SESTD1: variants seen among roughly 807,000 people sequenced by gnomAD.
SESTD1 encodes SEC14 domain and spectrin repeat-containing protein 1.
Under a neutral mutation model 101.7 loss-of-function variants are expected in SESTD1, and 43 were observed. The observed-to-expected ratio is 0.42, with a 90% confidence interval of 0.33 to 0.55. SESTD1 has a LOEUF of 0.55. Ranked by LOEUF, SESTD1 falls within the 20% of genes least tolerant of loss-of-function variation. The pLI is 0.07. For missense variants in SESTD1, 647 were observed against 815.1 expected (o/e 0.79, Z 2.51); for synonymous variants, 283 against 286.8 (o/e 0.99, Z 0.13).
rs544249043 is a variant in SESTD1, at chr2:179,227,320, C to A, written c.-25-35454G>T. Among the ~76,000 whole-genome samples, 11 of 152,236 alleles carry A rather than the reference C, an allele frequency of 7.2e-5. No individual in the cohort carries two copies. The South Asian group carries it at 1.0e-3, about 14-fold the overall frequency. Reference sequence around the variant, plus strand: ...TTTCTCACTTTAGTTATCTATGAAACCTTTTCAGTTCCTAGTACATTCTCA... The same window carrying A: ...TTTCTCACTTTAGTTATCTATGAAAACTTTTCAGTTCCTAGTACATTCTCA... On this transcript the variant is annotated intron_variant, in intron 1 of 17. Transcript: ENST00000428443.
At chr2:179,210,760 C>G (rs2046640586) in intron 1 of SESTD1, among the ~76,000 whole-genome samples, 2 of 134,288 alleles carry the variant, frequency 1.5e-5, no homozygotes, top group South Asian at 5.7e-4. Context: ...AGCATTCCCC[C>G]TGAGAATTGG....
rs2044354581 is a variant in SESTD1, at chr2:179,105,180, T to TCATGC, written c.*4718_*4719insGCATG. On this transcript the variant is annotated 3_prime_UTR_variant, in exon 18 of 18. Transcript: ENST00000428443. ...TGGTCTTTTCATGCTTTGTTCTGTT[T>TCATGC]TTTTTTTTTTTTTAACCTCATTATT... is the stretch of plus-strand genomic sequence containing the variant. 1.5e-5 allele frequency: 2 copies of TCATGC among 136,650 alleles called. No individual in the cohort carries two copies. The highest frequency in any genetic ancestry group is 5.8e-5 in the African/African-American group (2 of 34,580). The allele number at this position is 136,650 out of a possible 1,614,324, so 8.5% of individuals were successfully genotyped here.
At chr2:179,183,500 G>A (rs900639598) in intron 2 of SESTD1, among the ~76,000 whole-genome samples, 1 of 152,086 alleles carries the variant, frequency 6.6e-6, no homozygotes, top group Admixed American at 6.6e-5. Flanking sequence ...GCCCAGCACA[G>A]TAAGTATTTG....
At chr2:179,125,915 C>T (rs779337000) in intron 10 of SESTD1, among the ~76,000 whole-genome samples, 5 of 152,132 alleles carry the variant, frequency 3.3e-5, no homozygotes, top group African/African-American at 4.8e-5. Context: ...AATAATCAGC[C>T]GCCTGTCTCT....
chr2:179,195,504 AC>A (rs1364800633), intron 1 of SESTD1, among the ~76,000 whole-genome samples: 2 of 152,228 alleles, frequency 1.3e-5, no homozygotes, highest in African/African-American at 2.4e-5. Context: ...CAGTGTGAAA[AC>A]AGACTAAATA....
At chr2:179,111,719 C>CTTTTTTTTT (rs572503441) in intron 17 of SESTD1, among the ~76,000 whole-genome samples, 1 of 135,360 alleles carries the variant, frequency 7.4e-6, no homozygotes. Context: ...CCTCCTGATT[C>CTTTTTTTTT]TTTTTTTTTT....
At chr2:179,130,516 T>A (rs557622692) in intron 10 of SESTD1, among the ~76,000 whole-genome samples, 1 of 152,106 alleles carries the variant, frequency 6.6e-6, no homozygotes, top group Non-Finnish European at 1.5e-5. Context: ...ATTTCATCCA[T>A]ACTATACGCA....
At position 179,143,650 on chromosome 2, in the gene SESTD1, A is replaced by G; in HGVS notation, c.791T>C (p.Val264Ala). 6.2e-7 allele frequency: 1 copy of G among 1,613,954 alleles called. No individual in the cohort carries two copies. The highest frequency in any genetic ancestry group is 8.5e-7 in the Non-Finnish European group (1 of 1,179,906). ...TGTGCGCTTGCTACGTTGCCTACAAACTTCCTGGTAGCGGGTATATTGCTC... is the reference window on the plus strand; with the variant it reads ...TGTGCGCTTGCTACGTTGCCTACAAGCTTCCTGGTAGCGGGTATATTGCTC... ...LREQYTRYQE[V>A]CRQRSKRTQL... The change falls in exon 9 of 18, where the codon GTT becomes GCT. Residue 264 changes from valine to alanine, a missense_variant. This residue lies in a region of SESTD1 where 476 missense variants were observed against 562.6 expected (regional missense o/e 0.85). Coordinates refer to ENST00000428443, the MANE Select transcript of SESTD1 (RefSeq NM_178123.5).
At chr2:179,188,090 A>G (rs1398972853) in intron 2 of SESTD1, among the ~76,000 whole-genome samples, 1 of 152,198 alleles carries the variant, frequency 6.6e-6, no homozygotes, top group African/African-American at 2.4e-5. Flanking sequence ...CCTAATAGAC[A>G]TCTACAGAAC....
chr2:179,124,654 G>A, intron 10 of SESTD1, 96 bp from the exon 11 acceptor site: 1 of 1,082,848 alleles, frequency 9.2e-7, no homozygotes, highest in Non-Finnish European at 1.3e-6. Context: ...AGTAATACAT[G>A]ATTTTTTTTT....
At chr2:179,263,143 T>C (rs1229147632) in intron 1 of SESTD1, among the ~76,000 whole-genome samples, 3 of 152,124 alleles carry the variant, frequency 2.0e-5, no homozygotes, top group Non-Finnish European at 4.4e-5. Flanking sequence ...GCCTATAGAG[T>C]TGTGAAATGC....
At position 179,107,196 on chromosome 2, in the gene SESTD1, T is replaced by A. The variant is rs1283206326; in HGVS notation, c.*2703A>T. On this transcript the variant is annotated 3_prime_UTR_variant, in exon 18 of 18. Coordinates refer to ENST00000428443, the MANE Select transcript of SESTD1 (RefSeq NM_178123.5). ...GTTTACCTTAAGTGAGCTTTGACCC[T>A]ATGGAAGAAAGTTGCTTTAGGGCAT... 2 of 152,208 alleles carry A rather than the reference T, an allele frequency of 1.3e-5. No individual in the cohort carries two copies. The highest frequency in any genetic ancestry group is 2.4e-5 in the African/African-American group (1 of 41,460). The allele number at this position is 152,208 out of a possible 1,614,324, so 9.4% of individuals were successfully genotyped here.
intron 1 of SESTD1, among the ~76,000 whole-genome samples, chr2:179,239,508 T>C (rs1002835463): frequency 2.6e-5 from 4 of 152,162 alleles, no homozygotes; most frequent in Non-Finnish European, 5.9e-5. Flanking sequence ...GGTATTCACT[T>C]ATATTTTAAC....
chr2:179,215,158 T>A (rs143478583), intron 1 of SESTD1, among the ~76,000 whole-genome samples: 2 of 133,096 alleles, frequency 1.5e-5, no homozygotes, highest in East Asian at 2.0e-4. Context: ...CTGAAGGAGA[T>A]AGAGACACAA....
chr2:179,252,912 G>T (rs2047338839), intron 1 of SESTD1, among the ~76,000 whole-genome samples: 1 of 152,072 alleles, frequency 6.6e-6, no homozygotes, highest in Non-Finnish European at 1.5e-5. Context: ...TTTCAGTGTG[G>T]TGACCATTTT....
In SESTD1 at chr2:179,102,255, A is replaced by G. The variant is rs547289873; in HGVS notation, c.*7644T>C. The G allele has an allele frequency of 4.6e-5, 7 of 152,258 alleles. No individual in the cohort carries two copies. The highest frequency in any genetic ancestry group is 7.2e-5 in the African/African-American group (3 of 41,558). 9.4% of individuals were successfully genotyped at this position (152,258 alleles called of 1,614,324 possible). On this transcript the variant is annotated 3_prime_UTR_variant, in exon 18 of 18. Transcript: ENST00000428443. ...AGGGAAGCAGAAGCCTCTGTCTTCT[A>G]AGACTCCAGGTTATTTCAGAATATA...
Position 179,135,842 on chromosome 2 carries a change from GCT to G in SESTD1, c.850-3418_850-3417del, listed in dbSNP as rs2045131018. On this transcript the variant is annotated intron_variant, in intron 9 of 17. Transcript: ENST00000428443. Reference sequence around the variant, plus strand: ...GTTGACTCAGTGGAACAGCCTAAGTGCTATAACTTTCTATTGGCTAAACACTG... The same window carrying G: ...GTTGACTCAGTGGAACAGCCTAAGTGATAACTTTCTATTGGCTAAACACTG... 2.0e-5 allele frequency among the ~76,000 whole-genome samples: 3 copies of G among 152,158 alleles called. No individual in the cohort carries two copies. The South Asian group carries it at 6.2e-4, about 31-fold the overall frequency.
chr2:179,257,231 A>G (rs546098198), intron 1 of SESTD1, among the ~76,000 whole-genome samples: 2 of 152,286 alleles, frequency 1.3e-5, no homozygotes, highest in East Asian at 3.9e-4. Context: ...AAAAAAAAAG[A>G]AAAAGGCAAG....
At chr2:179,167,639 G>GA (rs1276164467) in intron 5 of SESTD1, among the ~76,000 whole-genome samples, 1 of 148,326 alleles carries the variant, frequency 6.7e-6, no homozygotes, top group East Asian at 1.9e-4. Context: ...CCTGAAGGGG[G>GA]AAAAAAAGGC....
Sources: allele counts gnomAD v4.1 joint callset (sites outside exome capture counted in the v4.1 genomes callset), GRCh38; gene constraint gnomAD v4.1.1; regional missense constraint gnomAD v4.1.1; transcripts MANE v1.5; gene names NCBI Gene and HGNC (gene_info 2026-07-23, HGNC 2026-07-21).